Variants in WWOX observed in about 807,000 individuals in gnomAD.
WWOX encodes WW domain containing oxidoreductase, also known as WW domain-containing oxidoreductase.
Under a neutral mutation model 46.2 loss-of-function variants are expected in WWOX, and 69 were observed. The ratio of observed to expected loss-of-function variants is 1.49; its 90% CI spans 1.23 to 1.82. The LOEUF (loss-of-function observed/expected upper bound fraction) is 1.82, where lower values mean the gene tolerates loss of function less well. WWOX is among the 40% of genes most tolerant of loss of function. The probability of loss-of-function intolerance (pLI) is 0.00; values close to 1 mark genes in which losing one functional copy is unlikely to be tolerated. For missense variants in WWOX, 919 were observed against 542.6 expected (o/e 1.69, Z -6.89); for synonymous variants, 359 against 202.6 (o/e 1.77, Z -6.56).
chr16:78,307,219 C>T (rs1330048954), intron 5 of WWOX, among the ~76,000 whole-genome samples: 2 of 152,164 alleles, frequency 1.3e-5, no homozygotes, highest in African/African-American at 4.8e-5. Flanking sequence ...TTCACTGCTG[C>T]CCGTTCATTG....
At chr16:78,466,328 G>C (rs1021334402) in intron 8 of WWOX, among the ~76,000 whole-genome samples, 4 of 152,232 alleles carry the variant, frequency 2.6e-5, no homozygotes, top group Admixed American at 1.3e-4. Flanking sequence ...ATTGCACCCG[G>C]CTATTGGGTA....
intron 6 of WWOX, among the ~76,000 whole-genome samples, chr16:78,422,770 C>CACATATATAT: frequency 8.7e-6 from 1 of 115,466 alleles, no homozygotes; most frequent in South Asian, 2.7e-4. Flanking sequence ...CATATATATA[C>CACATATATAT]ACACATATAT....
chr16:78,654,113 C>G (rs867744687), intron 8 of WWOX, among the ~76,000 whole-genome samples: 1 of 152,182 alleles, frequency 6.6e-6, no homozygotes, highest in Non-Finnish European at 1.5e-5. Flanking sequence ...GAGAAACTCT[C>G]AAAGGCCAGG....
chr16:78,276,349 G>A (rs2079577915), intron 5 of WWOX, among the ~76,000 whole-genome samples: 1 of 152,228 alleles, frequency 6.6e-6, no homozygotes, highest in Admixed American at 6.5e-5. Context: ...ATGCTGGGCA[G>A]AGAGTGAGCA....
chr16:78,658,058 A>G (rs554190841), intron 8 of WWOX, among the ~76,000 whole-genome samples: 24 of 151,718 alleles, frequency 1.6e-4, no homozygotes, highest in Admixed American at 5.9e-4. Context: ...GTTGGGGGGG[A>G]TTTCCTGTGA....
At chr16:79,126,323 G>C (rs759956606) in intron 8 of WWOX, among the ~76,000 whole-genome samples, 4 of 152,104 alleles carry the variant, frequency 2.6e-5, no homozygotes, top group Non-Finnish European at 5.9e-5. Flanking sequence ...GATATGATTT[G>C]GCTCTGTGTC....
intron 8 of WWOX, among the ~76,000 whole-genome samples, chr16:78,461,704 C>T (rs1179781413): frequency 6.6e-6 from 1 of 152,188 alleles, no homozygotes; most frequent in Non-Finnish European, 1.5e-5. Context: ...AAATACACTG[C>T]AAGTCGATTG....
intron 8 of WWOX, among the ~76,000 whole-genome samples, chr16:78,467,879 A>G (rs570378934): frequency 2.6e-5 from 4 of 152,364 alleles, no homozygotes; most frequent in South Asian, 4.1e-4. Context: ...TGGATATAAA[A>G]TGACTCCAAA....
chr16:78,220,547 C>T (rs995176186), intron 5 of WWOX, among the ~76,000 whole-genome samples: 11 of 152,070 alleles, frequency 7.2e-5, no homozygotes, highest in Admixed American at 3.3e-4. Context: ...TCAGTTTAAC[C>T]ATCTTTTAAA....
At chr16:78,732,287 A>T (rs1024103381) in intron 8 of WWOX, among the ~76,000 whole-genome samples, 3 of 152,084 alleles carry the variant, frequency 2.0e-5, no homozygotes, top group Admixed American at 1.3e-4. Context: ...TGTGTCTCTC[A>T]CTCATGGGAT....
At chr16:78,733,017 C>T (rs1041300482) in intron 8 of WWOX, among the ~76,000 whole-genome samples, 1 of 152,148 alleles carries the variant, frequency 6.6e-6, no homozygotes, top group Non-Finnish European at 1.5e-5. Context: ...GGACCCATTC[C>T]TTTACCCCTC....
intron 8 of WWOX, among the ~76,000 whole-genome samples, chr16:78,720,140 C>T (rs1057412582): frequency 1.8e-4 from 28 of 152,080 alleles, no homozygotes; most frequent in African/African-American, 5.6e-4. Context: ...GACAATATTC[C>T]TTCTTGCCCT....
intron 8 of WWOX, among the ~76,000 whole-genome samples, chr16:78,597,884 C>G (rs950519161): frequency 6.6e-6 from 1 of 151,646 alleles, no homozygotes; most frequent in Non-Finnish European, 1.5e-5. Flanking sequence ...CGTCAGCATA[C>G]TTTATCATAT....
At chr16:78,797,217 C>T (rs2050761837) in intron 8 of WWOX, among the ~76,000 whole-genome samples, 1 of 151,986 alleles carries the variant, frequency 6.6e-6, no homozygotes, top group Non-Finnish European at 1.5e-5. Context: ...ATGAGAGTGG[C>T]TTCTGAATGA....
intron 5 of WWOX, among the ~76,000 whole-genome samples, chr16:78,333,713 C>T (rs111324645): frequency 0.016 from 2,490 of 152,254 alleles, 77 homozygotes; most frequent in African/African-American, 0.057. Flanking sequence ...TGTACATAGA[C>T]TTGATACACA....
At chr16:78,315,846 G>C (rs1467904714) in intron 5 of WWOX, among the ~76,000 whole-genome samples, 1 of 152,012 alleles carries the variant, frequency 6.6e-6, no homozygotes, top group African/African-American at 2.4e-5. Flanking sequence ...TAGAAGATAA[G>C]AAAAATCACC....
chr16:78,811,188 A>G (rs1037587310), intron 8 of WWOX, among the ~76,000 whole-genome samples: 8 of 152,192 alleles, frequency 5.3e-5, no homozygotes, highest in African/African-American at 1.7e-4. Flanking sequence ...GTTTTGTGAC[A>G]TTCTTAGTTG....
At chr16:78,903,770 C>G (rs1428937720) in intron 8 of WWOX, among the ~76,000 whole-genome samples, 1 of 152,190 alleles carries the variant, frequency 6.6e-6, no homozygotes, top group East Asian at 1.9e-4. Flanking sequence ...AGAAAAGTCA[C>G]CCGTGGGTTC....
chr16:78,673,160 T>C (rs1354796400), intron 8 of WWOX, among the ~76,000 whole-genome samples: 1 of 152,188 alleles, frequency 6.6e-6, no homozygotes, highest in Non-Finnish European at 1.5e-5. Context: ...CTCATTCTCA[T>C]TCACGGGAGG....
Sources: allele counts gnomAD v4.1 joint callset (sites outside exome capture counted in the v4.1 genomes callset), GRCh38; gene constraint gnomAD v4.1.1; transcripts MANE v1.5; gene names NCBI Gene and HGNC (gene_info 2026-07-23, HGNC 2026-07-21).